The following PMPCB variants were observed in gnomAD, a reference collection of about 807,000 sequenced individuals.
The protein encoded by PMPCB is peptidase, mitochondrial processing subunit beta.
A neutral mutation model predicts 61.5 loss-of-function variants in PMPCB; 46 were observed. The ratio of observed to expected loss-of-function variants is 0.75; its 90% CI spans 0.59 to 0.96. The LOEUF (loss-of-function observed/expected upper bound fraction) is 0.96, where lower values mean the gene tolerates loss of function less well. Ranked by LOEUF, PMPCB falls within the 40% of genes least tolerant of loss-of-function variation. The pLI is 0.00. For missense variants in PMPCB, 590 were observed against 602.4 expected (o/e 0.98, Z 0.22); for synonymous variants, 191 against 201.6 (o/e 0.95, Z 0.44).
chr7:103,316,729 T>C, downstream of PMPCB: 2 of 992,048 alleles, frequency 2.0e-6, no homozygotes, highest in South Asian at 3.2e-5. Flanking sequence ...AGAATTTATC[T>C]CTGCAAGTTT....
rs1817791048 is a variant in PMPCB, at chr7:103,312,331, T to A, written c.*60T>A. On this transcript the variant is annotated 3_prime_UTR_variant, in exon 13 of 13. Coordinates refer to ENST00000249269, the MANE Select transcript of PMPCB (RefSeq NM_004279.3). ...TTTATAAAACAGAGCTAGAGAAAAATAAAAATGAACATGTATATACATTTG... is the reference window on the plus strand; with the variant it reads ...TTTATAAAACAGAGCTAGAGAAAAAAAAAAATGAACATGTATATACATTTG... 1.9e-6 allele frequency: 3 copies of A among 1,594,862 alleles called. No individual in the cohort carries two copies.
At chr7:103,324,777 G>A in intron 12 of PMPCB, 1 of 317,508 alleles carries the variant, frequency 3.1e-6, no homozygotes, top group Non-Finnish European at 5.7e-6. Context: ...AGACTGGGGT[G>A]AGGAGAGAAA....
At chr7:103,344,087 G>A in the PMPCB span, among the ~76,000 whole-genome samples, 3 of 152,334 alleles carry the variant, frequency 2.0e-5, no homozygotes, top group South Asian at 4.1e-4. Context: ...TGAACACCGA[G>A]TATGAGGAGC....
the PMPCB span, among the ~76,000 whole-genome samples, chr7:103,345,468 C>T: frequency 6.6e-6 from 1 of 151,822 alleles, no homozygotes; most frequent in Non-Finnish European, 1.5e-5. Context: ...AAAGGCTCAC[C>T]CCCAACAGCA....
At chr7:103,341,682 GTTTATT>G in the PMPCB span, 1 of 1,167,624 alleles carries the variant, frequency 8.6e-7, no homozygotes, top group Admixed American at 2.5e-5. Flanking sequence ...CTTAAAACAT[GTTTATT>G]AATGGAAAAC....
chr7:103,299,521 G>A lies in PMPCB; in HGVS notation c.319G>A (p.Ala107Thr). The A allele has an allele frequency of 6.2e-7, 1 of 1,604,190 alleles. No individual in the cohort carries two copies. The highest frequency in any genetic ancestry group is 8.5e-7 in the Non-Finnish European group (1 of 1,172,008). ...AACAGCACACTTTCTGGAGCATATG[G>A]CTTTCAAGGCAAGTTGTAAGACTTT... ...NGTAHFLEHM[A>T]FKGTKKRSQL... The change falls in exon 3 of 13, where the codon GCT becomes ACT. Residue 107 changes from alanine to threonine, a missense_variant. Physicochemically the swap from Ala to Thr is moderately conservative, Grantham distance 58. Transcript: ENST00000249269.
At chr7:103,345,399 A>G in the PMPCB span, among the ~76,000 whole-genome samples, 1 of 152,088 alleles carries the variant, frequency 6.6e-6, no homozygotes, top group Non-Finnish European at 1.5e-5. Flanking sequence ...TATTCCTACT[A>G]TATGCTTCCT....
chr7:103,344,204 G>C, the PMPCB span: 1 of 297,112 alleles, frequency 3.4e-6, no homozygotes, highest in Non-Finnish European at 6.3e-6. Context: ...CCCCAGGCAC[G>C]TGGGGTGCTC....
At chr7:103,322,443 G>A (rs1818473085) in intron 12 of PMPCB, 1 of 1,338,628 alleles carries the variant, frequency 7.5e-7, no homozygotes, top group Non-Finnish European at 1.0e-6. Context: ...AAAAAGATGT[G>A]AAGATTAAAG....
chr7:103,306,195 G>GT (rs1477208497), intron 6 of PMPCB, among the ~76,000 whole-genome samples: 1 of 151,994 alleles, frequency 6.6e-6, no homozygotes, highest in East Asian at 1.9e-4. Flanking sequence ...TTGCCAAATA[G>GT]TTTTTTGTAT....
chr7:103,327,072 T>C (rs144479854), intron 12 of PMPCB, among the ~76,000 whole-genome samples: 1 of 152,308 alleles, frequency 6.6e-6, no homozygotes, highest in African/African-American at 2.4e-5. Flanking sequence ...ACGGTGTGCA[T>C]ACAACTGTTC....
At chr7:103,327,312 T>A (rs1326990423) in intron 12 of PMPCB, 1 of 1,234,534 alleles carries the variant, frequency 8.1e-7, no homozygotes. Context: ...AGTATTCTCA[T>A]CATTAAATAG....
downstream of PMPCB, chr7:103,315,842 T>G: frequency 1.9e-6 from 3 of 1,613,650 alleles, no homozygotes; most frequent in Non-Finnish European, 2.5e-6. Context: ...TCAAATGCCT[T>G]TTTATTTATG....
chr7:103,316,151 A>G, downstream of PMPCB: 1 of 1,062,986 alleles, frequency 9.4e-7, no homozygotes, highest in South Asian at 1.8e-5. Context: ...GAAACGACAA[A>G]AACCATTAGA....
the PMPCB span, chr7:103,344,643 G>A: frequency 1.2e-6 from 2 of 1,605,312 alleles, no homozygotes; most frequent in African/African-American, 1.3e-5. Context: ...GGTCTAGCCC[G>A]GTGGGCGCAG....
chr7:103,339,548 T>G, the PMPCB span, among the ~76,000 whole-genome samples: 1 of 152,230 alleles, frequency 6.6e-6, no homozygotes, highest in Non-Finnish European at 1.5e-5. Context: ...CCCGATCATT[T>G]TACTCAAACT....
At chr7:103,338,340 A>C in the PMPCB span, among the ~76,000 whole-genome samples, 1 of 146,036 alleles carries the variant, frequency 6.8e-6, no homozygotes, top group Admixed American at 6.9e-5. Flanking sequence ...TCTGTTGCCC[A>C]GGCTGGAGTG....
downstream of PMPCB, chr7:103,317,067 A>G: frequency 5.4e-6 from 8 of 1,477,412 alleles, no homozygotes; most frequent in Admixed American, 1.1e-4. Context: ...TTGCTATTCT[A>G]CACTCTCTTC....
chr7:103,344,414 A>G, the PMPCB span: 1 of 821,036 alleles, frequency 1.2e-6, no homozygotes, highest in Non-Finnish European at 2.0e-6. Flanking sequence ...TAAAACACGG[A>G]GCAAAAAGGC....
Sources: gnomAD v4.1 joint callset for allele counts (sites outside exome capture counted in the v4.1 genomes callset) on GRCh38, gnomAD v4.1.1 for gene constraint, MANE v1.5 for transcripts, NCBI Gene and HGNC (gene_info 2026-07-23, HGNC 2026-07-21) for gene names.